The following GATAD2B variants were observed in gnomAD, a reference collection of about 807,000 sequenced individuals.
The protein encoded by GATAD2B is transcriptional repressor p66-beta.
A neutral mutation model predicts 64.3 loss-of-function variants in GATAD2B; 8 were observed. The ratio of observed to expected loss-of-function variants is 0.12; its 90% CI spans 0.07 to 0.22. GATAD2B has a LOEUF of 0.22. GATAD2B is among the 10% of genes least tolerant of loss of function. The pLI is 1.00. For missense variants in GATAD2B, 453 were observed against 752.0 expected (o/e 0.60, Z 4.65); for synonymous variants, 281 against 271.3 (o/e 1.04, Z -0.35).
At chr1:153,880,052 G>A (rs1676961442) in intron 1 of GATAD2B, among the ~76,000 whole-genome samples, 1 of 152,048 alleles carries the variant, frequency 6.6e-6, no homozygotes, top group African/African-American at 2.4e-5. Flanking sequence ...AAAAGAAGGG[G>A]GAGTCTCGAA....
chr1:153,912,975 CTA>C (rs1678150822), intron 1 of GATAD2B, among the ~76,000 whole-genome samples: 1 of 152,132 alleles, frequency 6.6e-6, no homozygotes, highest in Admixed American at 6.6e-5. Context: ...CACCTCCCAG[CTA>C]TACGGGAGAC....
At position 153,895,179 on chromosome 1, in the gene GATAD2B, A is replaced by ACAAT. The variant is rs1379590991; in HGVS notation, c.-2+27553_-2+27554insATTG. Among the ~76,000 whole-genome samples the ACAAT allele has an allele frequency of 5.9e-5, 9 of 152,106 alleles. No individual in the cohort carries two copies. The East Asian group carries it at 1.7e-3, about 29-fold the overall frequency. On this transcript the variant is annotated intron_variant, in intron 1 of 10. Transcript: ENST00000368655. ...GTCTCAAAAACAAACAAACAAACAA[A>ACAAT]AAGTTAGCTGGGCGTGGTGGAACGT...
intron 1 of GATAD2B, among the ~76,000 whole-genome samples, chr1:153,913,827 G>A (rs992578203): frequency 5.9e-5 from 9 of 151,964 alleles, no homozygotes; most frequent in Non-Finnish European, 1.0e-4. Context: ...GGCTGAGGCA[G>A]GAGAATGGCG....
intron 1 of GATAD2B, among the ~76,000 whole-genome samples, chr1:153,829,148 T>C (rs916469953): frequency 2.0e-4 from 31 of 152,234 alleles, no homozygotes; most frequent in African/African-American, 7.5e-4. Context: ...GAGGCTGCAC[T>C]GAGCCTGATC....
intron 1 of GATAD2B, among the ~76,000 whole-genome samples, chr1:153,841,385 G>A (rs1040644565): frequency 2.0e-5 from 3 of 152,056 alleles, no homozygotes; most frequent in African/African-American, 7.2e-5. Flanking sequence ...AAACAGCACC[G>A]TTCCATCACC....
Position 153,893,325 on chromosome 1 carries a change from C to A in GATAD2B, c.-2+29408G>T, listed in dbSNP as rs183122091. Among the ~76,000 whole-genome samples, 44 of 152,254 alleles carry A rather than the reference C, an allele frequency of 2.9e-4. 1 individual carries two copies. In the East Asian group the frequency reaches 8.1e-3, roughly 28 times the overall value. ...GTTCACCTTAAAAAGTTTATCCCAG[C>A]TGGGCACGGGCCGGCTCACATCTGT... On this transcript the variant is annotated intron_variant, in intron 1 of 10. Transcript: ENST00000368655.
In GATAD2B at chr1:153,905,772, C is replaced by CA. The variant is rs35273428; in HGVS notation, c.-2+16960dup. On this transcript the variant is annotated intron_variant, in intron 1 of 10. Coordinates refer to ENST00000368655, the MANE Select transcript of GATAD2B (RefSeq NM_020699.4). The stretch of plus-strand genomic sequence containing the variant: ...ACATAGCAAGAACCAGTCTCTCAAA[C>CA]AAAAAAAAAAAAAGCCGGGTGCAGT... Among the ~76,000 whole-genome samples the CA allele has an allele frequency of 5.2e-3, 736 of 142,724 alleles. 23 individuals are homozygous for CA. The highest frequency in any genetic ancestry group is 0.018 in the African/African-American group (693 of 38,756). 93.6% of individuals were successfully genotyped at this position (142,724 alleles called of 152,430 possible). A position where few individuals can be genotyped will look rare whatever the true frequency, so the allele number is the denominator to read the frequency against.
chr1:153,890,820 G>C (rs1361826040), intron 1 of GATAD2B: 4 of 152,320 alleles, frequency 2.6e-5, no homozygotes, highest in Non-Finnish European at 5.9e-5. Context: ...GTTAACCCAG[G>C]TGATTCTGCT....
In GATAD2B at chr1:153,811,795, G is replaced by C; in HGVS notation, c.1584C>G (p.Ser528=). The C allele has an allele frequency of 6.2e-7, 1 of 1,613,212 alleles. No homozygotes were observed. The highest frequency in any genetic ancestry group is 8.5e-7 in the Non-Finnish European group (1 of 1,179,724). Residue 528 remains serine (S), a synonymous_variant, in exon 10 of 11, where the codon TCC becomes TCG. Transcript: ENST00000368655. ...LQRGIPTSAR[S]MLSNFAQAPQ... ...GTGCCTGTGCAAAGTTTGAAAGCATGGAGCGGGCAGATGTGGGTATGCCAC... is the reference window on the plus strand; with the variant it reads ...GTGCCTGTGCAAAGTTTGAAAGCATCGAGCGGGCAGATGTGGGTATGCCAC...
intron 1 of GATAD2B, among the ~76,000 whole-genome samples, chr1:153,867,348 T>C (rs1021344036): frequency 1.3e-5 from 2 of 152,026 alleles, no homozygotes; most frequent in African/African-American, 2.4e-5. Context: ...AGAAATAAAT[T>C]TGGCAAATCA....
At chr1:153,893,997 C>T (rs1464930717) in intron 1 of GATAD2B, among the ~76,000 whole-genome samples, 1 of 149,552 alleles carries the variant, frequency 6.7e-6, no homozygotes, top group African/African-American at 2.5e-5. Flanking sequence ...AAAAATGTCC[C>T]CATACTAACT....
rs774151241 is a variant in GATAD2B, at chr1:153,819,724, C to T, written c.347G>A (p.Arg116Gln). 9 of 1,603,044 alleles carry T rather than the reference C, an allele frequency of 5.6e-6. No individual in the cohort carries two copies. Among genetic ancestry groups the T allele is most frequent in the South Asian group, 2.3e-5 (2 of 88,496 alleles). The part of the protein sequence containing the change: ...DMSARRSEPE[R>Q]GRLTPSPDII... Reference sequence around the variant, plus strand: ...GTCTGGTGAGGGAGTTAGCCTTCCTCGCTCTGGCTCACTAGACAAGAAAGG... The same window carrying T: ...GTCTGGTGAGGGAGTTAGCCTTCCTTGCTCTGGCTCACTAGACAAGAAAGG... The change falls in exon 3 of 11, where the codon CGA becomes CAA. Residue 116 changes from arginine to glutamine, a missense_variant. By Grantham distance (43) the Arg-to-Gln change is conservative. This residue lies in a region of GATAD2B where 293 missense variants were observed against 417.2 expected (regional missense o/e 0.70). Transcript: ENST00000368655.
At chr1:153,826,857 CT>C (rs929876963) in intron 2 of GATAD2B, among the ~76,000 whole-genome samples, 14 of 151,378 alleles carry the variant, frequency 9.2e-5, no homozygotes, top group African/African-American at 3.4e-4. Context: ...GCGAAGATAA[CT>C]TGAGCCCAGG....
intron 1 of GATAD2B, among the ~76,000 whole-genome samples, chr1:153,917,865 G>C (rs1354837356): frequency 1.3e-5 from 2 of 152,166 alleles, no homozygotes; most frequent in African/African-American, 4.8e-5. Flanking sequence ...AAAGAAAATA[G>C]AGCAGGCAAG....
chr1:153,819,575 CAAG>C lies in GATAD2B; in HGVS notation c.465+28_465+30del, dbSNP rs538283090. The stretch of plus-strand genomic sequence containing the variant: ...ATTAAATAAAATAGAAGGAGCATAA[CAAG>C]AAGAAAGAAATTTTTCTTTCTTTTT... On this transcript the variant is annotated intron_variant, in intron 3 of 10. Transcript: ENST00000368655. 4.9e-4 allele frequency: 732 copies of C among 1,498,266 alleles called. 8 individuals are homozygous for C. In the African/African-American group the frequency reaches 9.0e-3, roughly 18 times the overall value. 92.8% of individuals were successfully genotyped at this position (1,498,266 alleles called of 1,614,324 possible).
intron 1 of GATAD2B, among the ~76,000 whole-genome samples, chr1:153,843,172 T>C (rs775998461): frequency 6.6e-6 from 1 of 151,792 alleles, no homozygotes; most frequent in Non-Finnish European, 1.5e-5. Context: ...TCTCACTCTG[T>C]TGCCCAGGCT....
At chr1:153,897,999 A>C (rs997566616) in intron 1 of GATAD2B, among the ~76,000 whole-genome samples, 9 of 138,182 alleles carry the variant, frequency 6.5e-5, no homozygotes, top group South Asian at 2.4e-4. Context: ...ACAGAAAAAA[A>C]AAAACAAAAA....
intron 1 of GATAD2B, among the ~76,000 whole-genome samples, chr1:153,895,169 A>C (rs1158186678): frequency 1.3e-5 from 2 of 151,662 alleles, no homozygotes; most frequent in African/African-American, 4.8e-5. Flanking sequence ...AAAAACAAAC[A>C]AACAAACAAA....
chr1:153,876,832 G>A (rs1301178969), intron 1 of GATAD2B, among the ~76,000 whole-genome samples: 4 of 152,020 alleles, frequency 2.6e-5, no homozygotes, highest in African/African-American at 4.8e-5. Context: ...GTGAAACCCC[G>A]TCTCTACTAA....
Sources: allele counts gnomAD v4.1 joint callset (sites outside exome capture counted in the v4.1 genomes callset), GRCh38; gene constraint gnomAD v4.1.1; regional missense constraint gnomAD v4.1.1; transcripts MANE v1.5; gene names NCBI Gene and HGNC (gene_info 2026-07-23, HGNC 2026-07-21).